The following ASCC3 variants were observed in gnomAD, a reference collection of about 807,000 sequenced individuals.
ASCC3 encodes the protein activating signal cointegrator 1 complex subunit 3, also known as ASC-1 complex subunit P200.
Under a neutral mutation model 256.3 loss-of-function variants are expected in ASCC3, and 158 were observed. The ratio of observed to expected loss-of-function variants is 0.62; its 90% confidence interval spans 0.54 to 0.70. The LOEUF is 0.70. Ranked by LOEUF, ASCC3 falls within the 30% of genes least tolerant of loss-of-function variation. ASCC3 has a pLI of 0.00. For synonymous variants in ASCC3, 948 were observed against 883.4 expected, an observed-to-expected ratio of 1.07 and a Z score of -1.30; for missense variants, 2,259 against 2,626.0, an observed-to-expected ratio of 0.86 and a Z score of 3.05.
chr6:100,799,860 A>G (rs1222327357), intron 6 of ASCC3, among the ~76,000 whole-genome samples: 1 of 152,056 alleles, frequency 6.6e-6, no homozygotes, highest in African/African-American at 2.4e-5. Flanking sequence ...TAAGGTATAC[A>G]TTTCTTTTTT....
chr6:100,651,264 T>C (rs1310970909), intron 19 of ASCC3, among the ~76,000 whole-genome samples: 1 of 151,938 alleles, frequency 6.6e-6, no homozygotes, highest in Non-Finnish European at 1.5e-5. Flanking sequence ...TTTTACATTT[T>C]CTTCAATGAG....
chr6:100,809,758 T>G (rs552417236), intron 4 of ASCC3, among the ~76,000 whole-genome samples: 6 of 152,258 alleles, frequency 3.9e-5, no homozygotes, highest in Non-Finnish European at 7.4e-5. Context: ...CACATTTCTA[T>G]AGCTTTTTCA....
At chr6:100,803,624 A>G (rs989097187) in intron 5 of ASCC3, among the ~76,000 whole-genome samples, 1 of 152,134 alleles carries the variant, frequency 6.6e-6, no homozygotes, top group Non-Finnish European at 1.5e-5. Context: ...GAAGTGTTCA[A>G]TACACTCAAA....
intron 19 of ASCC3, among the ~76,000 whole-genome samples, chr6:100,651,125 A>T (rs778814901): frequency 1.1e-4 from 16 of 151,882 alleles, no homozygotes; most frequent in Non-Finnish European, 1.8e-4. Flanking sequence ...TTTATATGGT[A>T]TAATACATTC....
At chr6:100,841,690 AAAAAAAAGACT>A (rs967194968) in intron 4 of ASCC3, among the ~76,000 whole-genome samples, 2 of 152,058 alleles carry the variant, frequency 1.3e-5, no homozygotes, top group African/African-American at 4.8e-5. Flanking sequence ...GCATATTAAA[AAAAAAAAGACT>A]AAGGAATGAA....
intron 36 of ASCC3, among the ~76,000 whole-genome samples, chr6:100,540,674 G>A (rs1469543870): frequency 1.3e-5 from 2 of 152,118 alleles, no homozygotes; most frequent in Non-Finnish European, 2.9e-5. Flanking sequence ...GGCCACAGCA[G>A]TGAACCAGAA....
At chr6:100,679,024 T>C (rs958312498) in intron 14 of ASCC3, among the ~76,000 whole-genome samples, 1 of 152,182 alleles carries the variant, frequency 6.6e-6, no homozygotes, top group Admixed American at 6.6e-5. Context: ...AACTGTAATG[T>C]ATACAAAATC....
At chr6:100,746,372 A>G (rs1309870601) in intron 10 of ASCC3, among the ~76,000 whole-genome samples, 1 of 152,080 alleles carries the variant, frequency 6.6e-6, no homozygotes, top group Non-Finnish European at 1.5e-5. Context: ...TTTGTCTATT[A>G]ATTTTTCTGT....
chr6:100,523,004 T>C (rs1398301121), intron 37 of ASCC3, among the ~76,000 whole-genome samples: 1 of 146,200 alleles, frequency 6.8e-6, no homozygotes, highest in South Asian at 2.3e-4. Context: ...ATGTGCATAC[T>C]AGATAAACTG....
intron 36 of ASCC3, among the ~76,000 whole-genome samples, chr6:100,560,748 A>AACACACAC (rs747539213): frequency 0.023 from 3,030 of 133,864 alleles, 97 homozygotes; most frequent in East Asian, 0.072. Flanking sequence ...ATCTTAGAGG[A>AACACACAC]ACACACACAC....
Position 100,527,621 on chromosome 6 carries a change from T to TAA in ASCC3, c.5776-9480_5776-9479insTT, listed in dbSNP as rs1774646819. ...TCCATGGCAATTCTACCTCCTGGCA[T>TAA]CATAAAATATTCCTATGCTTTTTAA... On this transcript the variant is annotated intron_variant, in intron 37 of 41. Coordinates refer to ENST00000369162, the MANE Select transcript of ASCC3 (RefSeq NM_006828.4). Among the ~76,000 whole-genome samples the TAA allele has an allele frequency of 2.0e-5, 3 of 152,312 alleles. No homozygotes were observed. In the East Asian group the frequency reaches 5.8e-4, roughly 29 times the overall value.
chr6:100,597,816 A>G (rs1185313980), intron 34 of ASCC3, among the ~76,000 whole-genome samples: 1 of 147,872 alleles, frequency 6.8e-6, no homozygotes, highest in Non-Finnish European at 1.5e-5. Context: ...ACTGAAAAAA[A>G]AAAAAAAATT....
At chr6:100,718,402 C>A (rs1331716384) in intron 11 of ASCC3, 151 bp from the exon 12 acceptor site, 25 of 603,258 alleles carry the variant, frequency 4.1e-5, no homozygotes, top group Non-Finnish European at 6.7e-5. Flanking sequence ...GACATTGTAG[C>A]CCATAATTCA....
intron 10 of ASCC3, among the ~76,000 whole-genome samples, chr6:100,753,219 G>A (rs1028582032): frequency 6.6e-6 from 1 of 151,076 alleles, no homozygotes; most frequent in African/African-American, 2.4e-5. Flanking sequence ...ATTGAAATTA[G>A]AGAAAGAAAA....
At chr6:100,647,486 C>T in intron 20 of ASCC3, 35 bp from the exon 21 acceptor site, 1 of 1,552,166 alleles carries the variant, frequency 6.4e-7, no homozygotes, top group Non-Finnish European at 8.9e-7. Flanking sequence ...GTGGTTATAC[C>T]CAATGTGCTT....
intron 10 of ASCC3, among the ~76,000 whole-genome samples, chr6:100,731,650 C>T (rs759388820): frequency 5.3e-5 from 8 of 152,130 alleles, no homozygotes; most frequent in Non-Finnish European, 7.4e-5. Flanking sequence ...GAGACCTAAT[C>T]GTTACAATTG....
intron 13 of ASCC3, 85 bp from the exon 14 acceptor site, chr6:100,679,837 C>G: frequency 7.0e-7 from 1 of 1,421,972 alleles, no homozygotes; most frequent in South Asian, 1.2e-5. Flanking sequence ...TCCATATAAA[C>G]AACTATTAAT....
At chr6:100,630,881 T>C (rs1238271417) in intron 26 of ASCC3, among the ~76,000 whole-genome samples, 2 of 152,098 alleles carry the variant, frequency 1.3e-5, no homozygotes, top group African/African-American at 4.8e-5. Flanking sequence ...CAAATAAAAG[T>C]ACTCACATTA....
intron 8 of ASCC3, among the ~76,000 whole-genome samples, chr6:100,777,106 A>G (rs1312037614): frequency 6.6e-6 from 1 of 152,156 alleles, no homozygotes; most frequent in Non-Finnish European, 1.5e-5. Context: ...ATTAAAAATC[A>G]AACAATTTAC....
Sources: gnomAD v4.1 joint callset for allele counts (sites outside exome capture counted in the v4.1 genomes callset) on GRCh38, gnomAD v4.1.1 for gene constraint, MANE v1.5 for transcripts, NCBI Gene and HGNC (gene_info 2026-07-23, HGNC 2026-07-21) for gene names.